CMTR1: variants seen among roughly 807,000 people sequenced by gnomAD.
The protein encoded by CMTR1 is cap-specific mRNA (nucleoside-2'-O-)-methyltransferase 1.
In CMTR1, 39 loss-of-function variants were observed where a neutral mutation model predicts 107.0. The ratio of observed to expected loss-of-function variants is 0.36; its 90% CI spans 0.28 to 0.48. CMTR1 has a LOEUF of 0.48. Ranked by LOEUF, CMTR1 falls within the 20% of genes least tolerant of loss-of-function variation. CMTR1 has a pLI of 0.99. For missense variants in CMTR1, 672 were observed against 1,064.9 expected, an observed-to-expected ratio of 0.63 and a Z score of 5.14; for synonymous variants, 366 against 379.5, an observed-to-expected ratio of 0.96 and a Z score of 0.41.
chr6:37,479,878 G>C (rs994090465), intron 23 of CMTR1, 135 bp from the exon 24 acceptor site: 5 of 849,646 alleles, frequency 5.9e-6, no homozygotes, highest in Middle Eastern at 6.2e-4. Flanking sequence ...GGCCTACCGG[G>C]TACCTTTTGC....
At chr6:37,443,785 C>T (rs1406788018) in intron 2 of CMTR1, among the ~76,000 whole-genome samples, 1 of 152,080 alleles carries the variant, frequency 6.6e-6, no homozygotes, top group Non-Finnish European at 1.5e-5. Context: ...TTTTGAGCTC[C>T]CATTGTGTCA....
intron 8 of CMTR1, among the ~76,000 whole-genome samples, chr6:37,455,100 T>TC (rs1276580651): frequency 1.3e-5 from 2 of 151,730 alleles, no homozygotes; most frequent in Non-Finnish European, 2.9e-5. Flanking sequence ...TTTTTTTTTT[T>TC]CGAGACGGAG....
chr6:37,451,754 C>G (rs190423337), intron 5 of CMTR1, 52 bp from the exon 6 acceptor site: 1 of 1,375,366 alleles, frequency 7.3e-7, no homozygotes, highest in African/African-American at 1.4e-5. Context: ...CATTCATCCC[C>G]GACAATTGCA....
At chr6:37,428,580 C>T (rs1166750712), upstream of CMTR1, among the ~76,000 whole-genome samples, 2 of 152,162 alleles carry the variant, frequency 1.3e-5, no homozygotes, top group Non-Finnish European at 2.9e-5. Context: ...GCCTCAGCCT[C>T]CTGAGTAGCT....
At chr6:37,452,010 T>A in intron 6 of CMTR1, 133 bp downstream of exon 6, 1 of 671,954 alleles carries the variant, frequency 1.5e-6, no homozygotes, top group Non-Finnish European at 2.6e-6. Flanking sequence ...ATGCATAGCT[T>A]GGTTCATATC....
chr6:37,476,222 C>T, intron 20 of CMTR1, 28 bp downstream of exon 20: 1 of 1,612,080 alleles, frequency 6.2e-7, no homozygotes, highest in Non-Finnish European at 8.5e-7. Flanking sequence ...ACCCTCCATG[C>T]TTCTTTCTGG....
rs374339246 is a variant in CMTR1 at position 37,452,845 on chromosome 6, AT to A, written c.610-190del. Among the ~76,000 whole-genome samples the A allele has an allele frequency of 1.0e-3, 146 of 145,042 alleles. 1 individual carries two copies. The highest frequency in any genetic ancestry group is 7.1e-3 in the Middle Eastern group (2 of 282). On this transcript the variant is annotated intron_variant, in intron 6 of 23. Coordinates refer to ENST00000373451, the MANE Select transcript of CMTR1 (RefSeq NM_015050.3). Reference sequence around the variant, plus strand: ...TGCCATGTGCCAGGCACCTGTTTACATTTTTTTTTTTTAACCAATTTACCGG... The same window carrying A: ...TGCCATGTGCCAGGCACCTGTTTACATTTTTTTTTTTAACCAATTTACCGG...
the CMTR1 span, among the ~76,000 whole-genome samples, chr6:37,424,769 C>T: frequency 1.3e-5 from 2 of 151,892 alleles, no homozygotes; most frequent in African/African-American, 4.8e-5. Flanking sequence ...TTATAATTGT[C>T]CATGTATTTA....
chr6:37,476,111 C>G lies in CMTR1; in HGVS notation c.2037-15C>G. The G allele has an allele frequency of 6.2e-7, 1 of 1,613,924 alleles. No individual in the cohort carries two copies. The highest frequency in any genetic ancestry group is 8.5e-7 in the Non-Finnish European group (1 of 1,179,910). ...ATCCTTGGCTTGCCTCTCAGAGAGA[C>G]TGTTTGGATTGTAGAATTCAGCTTG... On this transcript the variant is annotated splice_polypyrimidine_tract_variant and intron_variant, in intron 19 of 23. Coordinates refer to ENST00000373451, the MANE Select transcript of CMTR1 (RefSeq NM_015050.3).
At chr6:37,478,636 C>T in intron 22 of CMTR1, 115 bp downstream of exon 22, 1 of 790,938 alleles carries the variant, frequency 1.3e-6, no homozygotes, top group Non-Finnish European at 2.1e-6. Flanking sequence ...AGGTGGGTAG[C>T]AGCCAGGCTG....
chr6:37,463,098 C>A, intron 13 of CMTR1, 90 bp downstream of exon 13: 1 of 1,339,518 alleles, frequency 7.5e-7, no homozygotes, highest in Non-Finnish European at 1.1e-6. Flanking sequence ...CTTGGTATCA[C>A]TTTGTCAACC....
intron 23 of CMTR1, among the ~76,000 whole-genome samples, chr6:37,479,802 T>C (rs190167936): frequency 1.3e-5 from 2 of 152,158 alleles, no homozygotes; most frequent in African/African-American, 2.4e-5. Context: ...AGGAATCCAG[T>C]TGGATGCAAT....
At chr6:37,424,170 G>A in the CMTR1 span, among the ~76,000 whole-genome samples, 1 of 152,020 alleles carries the variant, frequency 6.6e-6, no homozygotes, top group Non-Finnish European at 1.5e-5. Flanking sequence ...AATGATTTGG[G>A]GGCTGCTTTT....
chr6:37,433,342 C>G lies in CMTR1; in HGVS notation c.-42C>G, dbSNP rs564739734. 15 of 152,882 alleles carry G rather than the reference C, an allele frequency of 9.8e-5. No homozygotes were observed. Among genetic ancestry groups the G allele is most frequent in the East Asian group, 3.8e-4 (2 of 5,206 alleles). 9.5% of individuals were successfully genotyped at this position (152,882 alleles called of 1,614,324 possible). On this transcript the variant is annotated 5_prime_UTR_variant, in exon 1 of 24. Transcript: ENST00000373451. ...CGGCGACAGTGTCGGCCTGACCCCC[C>G]CTCCGCTCCCCGGCAGCTCGCTCTC...
chr6:37,458,841 A>G lies in CMTR1; in HGVS notation c.976+31A>G, dbSNP rs1202193617. On this transcript the variant is annotated intron_variant, in intron 9 of 23. Coordinates refer to ENST00000373451, the MANE Select transcript of CMTR1 (RefSeq NM_015050.3). This position sits in a 1 kb window ranked among gnomAD's most constrained non-coding sequence, Gnocchi z 4.7. ...GACATTGAGGAGGGTACTAGGAGGT[A>G]TGAGGGACAGCCCCTCTATGGGGAC... is the stretch of plus-strand genomic sequence containing the variant. 1.2e-6 allele frequency: 2 copies of G among 1,604,036 alleles called. No homozygotes were observed. Among genetic ancestry groups the G allele is most frequent in the South Asian group, 1.1e-5 (1 of 90,714 alleles).
chr6:37,461,852 G>A, intron 11 of CMTR1, 118 bp from the exon 12 acceptor site: 1 of 1,201,800 alleles, frequency 8.3e-7, no homozygotes, highest in Non-Finnish European at 1.2e-6. Flanking sequence ...TTGTCTCTGA[G>A]TTTTAACAGA....
Position 37,481,288 on chromosome 6 carries a change from T to C in CMTR1, c.*1143T>C. 8.1e-7 allele frequency: 1 copy of C among 1,235,072 alleles called. No homozygotes were observed. The highest frequency in any genetic ancestry group is 5.7e-5 in the East Asian group (1 of 17,642). The allele number at this position is 1,235,072 out of a possible 1,614,324, so 76.5% of individuals were successfully genotyped here. A position where few individuals can be genotyped will look rare whatever the true frequency, so the allele number is the denominator to read the frequency against. On this transcript the variant is annotated 3_prime_UTR_variant, in exon 24 of 24. Coordinates refer to ENST00000373451, the MANE Select transcript of CMTR1 (RefSeq NM_015050.3). ...CTCAGAGATGTTCATGCAGGCTCCC[T>C]AGGGCCCCATCCCAGTGCCAGGCTG...
intron 2 of CMTR1, among the ~76,000 whole-genome samples, chr6:37,442,916 C>G (rs1011613322): frequency 4.6e-5 from 7 of 152,168 alleles, no homozygotes; most frequent in African/African-American, 1.7e-4. Flanking sequence ...TGAGTGGTGT[C>G]CCTTCTTCTT....
intron 13 of CMTR1, among the ~76,000 whole-genome samples, chr6:37,467,685 A>G (rs947220931): frequency 2.6e-5 from 4 of 152,176 alleles, no homozygotes; most frequent in Non-Finnish European, 5.9e-5. Context: ...TTCTTGATGA[A>G]TTGACCTTTT....
Sources: allele counts gnomAD v4.1 joint callset (sites outside exome capture counted in the v4.1 genomes callset), GRCh38; gene constraint gnomAD v4.1.1; non-coding constraint Gnocchi (gnomAD v3.1); transcripts MANE v1.5; gene names NCBI Gene and HGNC (gene_info 2026-07-23, HGNC 2026-07-21).